ROBO1: variants seen among roughly 807,000 people sequenced by gnomAD.
The protein encoded by ROBO1 is roundabout guidance receptor 1, also known as roundabout homolog 1.
In ROBO1, 149 loss-of-function variants were observed where a neutral mutation model predicts 195.9. That is an observed-to-expected ratio of 0.76 (90% CI 0.67 to 0.87). ROBO1 has a LOEUF of 0.87. Among genes scored for constraint, ROBO1 ranks in the 40% least tolerant of loss-of-function variants. The pLI, the probability that ROBO1 is intolerant of heterozygous loss-of-function variation, is 0.00. For synonymous variants in ROBO1, 816 were observed against 733.2 expected (o/e 1.11, Z -1.82); for missense variants, 1,933 against 2,068.3 (o/e 0.93, Z 1.27).
chr3:78,804,046 AT>A (rs1295606246), intron 4 of ROBO1, among the ~76,000 whole-genome samples: 1 of 152,156 alleles, frequency 6.6e-6, no homozygotes, highest in Non-Finnish European at 1.5e-5. Flanking sequence ...ACAACAAATC[AT>A]TTTCCTGCAA....
chr3:78,905,092 T>G (rs766172200), intron 4 of ROBO1, among the ~76,000 whole-genome samples: 3 of 152,086 alleles, frequency 2.0e-5, no homozygotes, highest in Non-Finnish European at 4.4e-5. Flanking sequence ...AATTAAAACA[T>G]AAAGATGCTG....
chr3:79,013,453 A>G, intron 3 of ROBO1, among the ~76,000 whole-genome samples: 1 of 152,240 alleles, frequency 6.6e-6, no homozygotes, highest in Non-Finnish European at 1.5e-5. Flanking sequence ...TCTAAAAATT[A>G]GAGACCATTT....
At chr3:79,094,638 A>G (rs1014700881) in intron 3 of ROBO1, among the ~76,000 whole-genome samples, 2 of 152,158 alleles carry the variant, frequency 1.3e-5, no homozygotes, top group Non-Finnish European at 2.9e-5. Flanking sequence ...TATGAAGAAT[A>G]TTTAGTTTTA....
intron 2 of ROBO1, among the ~76,000 whole-genome samples, chr3:79,195,707 CCT>C (rs1292952938): frequency 2.0e-5 from 3 of 151,138 alleles, no homozygotes; most frequent in Non-Finnish European, 4.4e-5. Flanking sequence ...TCAATAAAAC[CCT>C]GTTTCAACAT....
intron 2 of ROBO1, among the ~76,000 whole-genome samples, chr3:79,496,735 A>C (rs2107478271): frequency 6.6e-6 from 1 of 152,270 alleles, no homozygotes; most frequent in South Asian, 2.1e-4. Flanking sequence ...ATGTAATATT[A>C]TTAACTCAGT....
At chr3:78,642,189 A>G (rs1395538307) in intron 21 of ROBO1, among the ~76,000 whole-genome samples, 3 of 152,312 alleles carry the variant, frequency 2.0e-5, no homozygotes, top group South Asian at 2.1e-4. Flanking sequence ...ATCATATAAT[A>G]TAATAAGTGG....
intron 4 of ROBO1, among the ~76,000 whole-genome samples, chr3:78,916,968 A>C (rs905594974): frequency 2.0e-5 from 3 of 152,206 alleles, no homozygotes; most frequent in Non-Finnish European, 4.4e-5. Context: ...GAAATGACTT[A>C]AGCATTAGCA....
chr3:79,549,462 CT>C (rs1418581186), intron 2 of ROBO1, among the ~76,000 whole-genome samples: 1 of 152,132 alleles, frequency 6.6e-6, no homozygotes. Flanking sequence ...AGTTTTACAT[CT>C]ATGAATTTAA....
chr3:79,209,828 G>A (rs1340875919), intron 2 of ROBO1, among the ~76,000 whole-genome samples: 1 of 152,034 alleles, frequency 6.6e-6, no homozygotes, highest in Non-Finnish European at 1.5e-5. Flanking sequence ...TCTGATAAAT[G>A]AATTCAGTAA....
chr3:79,676,104 T>A (rs750518186), intron 1 of ROBO1, among the ~76,000 whole-genome samples: 1 of 151,986 alleles, frequency 6.6e-6, no homozygotes, highest in African/African-American at 2.4e-5. Context: ...GCCACGAACC[T>A]TGTGACTGGG....
chr3:79,194,682 T>A (rs781647643), intron 2 of ROBO1, among the ~76,000 whole-genome samples: 63 of 151,690 alleles, frequency 4.2e-4, no homozygotes, highest in Non-Finnish European at 7.2e-4. Flanking sequence ...TTTAATTATA[T>A]CCTTCTGTCT....
intron 3 of ROBO1, chr3:79,018,483 T>C (rs2078012826): frequency 1.2e-6 from 2 of 1,613,664 alleles, no homozygotes; most frequent in Non-Finnish European, 1.7e-6. Flanking sequence ...GGATCCTGTA[T>C]ACAGTCTCAT....
chr3:79,708,720 C>T (rs1162222419), intron 1 of ROBO1, among the ~76,000 whole-genome samples: 1 of 152,056 alleles, frequency 6.6e-6, no homozygotes, highest in East Asian at 1.9e-4. Context: ...AAAGAATTAG[C>T]CAACCATGGT....
At chr3:79,248,197 A>G (rs1268118821) in intron 2 of ROBO1, among the ~76,000 whole-genome samples, 1 of 152,008 alleles carries the variant, frequency 6.6e-6, no homozygotes, top group East Asian at 1.9e-4. Context: ...ACTCTTAATT[A>G]TATTTTGAGA....
At chr3:79,260,101 C>G (rs1443362547) in intron 2 of ROBO1, among the ~76,000 whole-genome samples, 1 of 150,684 alleles carries the variant, frequency 6.6e-6, no homozygotes, top group Non-Finnish European at 1.5e-5. Flanking sequence ...CACACACACA[C>G]ACACAAATAT....
chr3:79,191,301 T>A (rs1236528504), intron 2 of ROBO1, among the ~76,000 whole-genome samples: 1 of 151,462 alleles, frequency 6.6e-6, no homozygotes, highest in Non-Finnish European at 1.5e-5. Context: ...TTATGTAGTA[T>A]GTAAATTATC....
intron 2 of ROBO1, among the ~76,000 whole-genome samples, chr3:79,587,319 C>T (rs984317243): frequency 6.6e-6 from 1 of 151,744 alleles, no homozygotes; most frequent in Non-Finnish European, 1.5e-5. Flanking sequence ...CTAGCCACAG[C>T]TTGAAGTGAA....
rs151095096 is a variant in ROBO1, at chr3:79,024,348, G to T, written c.173-85421C>A. ...GTGAGCTTTTGAAGATAAAGGAGAG[G>T]ATATAGAAAAGTGGCACTAATTAAG... is the stretch of plus-strand genomic sequence containing the variant. On this transcript the variant is annotated intron_variant, in intron 3 of 30. Coordinates refer to ENST00000464233, the MANE Select transcript of ROBO1 (RefSeq NM_002941.4). Among the ~76,000 whole-genome samples the T allele has an allele frequency of 3.6e-3, 547 of 152,242 alleles. 7 individuals carry two copies. Among genetic ancestry groups the T allele is most frequent in the African/African-American group, 0.012 (507 of 41,550 alleles).
intron 3 of ROBO1, among the ~76,000 whole-genome samples, chr3:79,121,255 G>A (rs2108561424): frequency 6.6e-6 from 1 of 152,186 alleles, no homozygotes; most frequent in Non-Finnish European, 1.5e-5. Context: ...CCAAAATGGT[G>A]TTTTTGCTTA....
Sources: gnomAD v4.1 joint callset for allele counts (sites outside exome capture counted in the v4.1 genomes callset) on GRCh38, gnomAD v4.1.1 for gene constraint, MANE v1.5 for transcripts, NCBI Gene and HGNC (gene_info 2026-07-23, HGNC 2026-07-21) for gene names.